Variants in ADARB1 observed in about 807,000 individuals in gnomAD.
ADARB1 encodes the protein adenosine deaminase RNA specific B1.
ADARB1 carries 10 observed loss-of-function variants against 52.4 expected under a neutral mutation model. That is an observed-to-expected ratio of 0.19 (90% CI 0.12 to 0.32). The LOEUF (loss-of-function observed/expected upper bound fraction) is 0.32, where lower values mean the gene tolerates loss of function less well. ADARB1 is among the 10% of genes least tolerant of loss of function. The pLI is 1.00. For missense variants in ADARB1, 643 were observed against 922.3 expected, an observed-to-expected ratio of 0.70 and a Z score of 3.92; for synonymous variants, 349 against 371.1, an observed-to-expected ratio of 0.94 and a Z score of 0.68.
chr21:45,200,866 G>T lies in ADARB1; in HGVS notation c.1566-3689G>T, dbSNP rs2092538803. ...CTGGCCGACGTCTGTCTGCAGCTCA[G>T]TCTCTCAGGCCGGGCCCTTTACTGA... On this transcript the variant is annotated intron_variant, in intron 8 of 10. Coordinates refer to ENST00000348831, the MANE Select transcript of ADARB1 (RefSeq NM_001112.4). This position sits in a 1 kb window ranked among gnomAD's most constrained non-coding sequence, Gnocchi z 5.0. Among the ~76,000 whole-genome samples the T allele has an allele frequency of 6.6e-6, 1 of 152,194 alleles. No individual in the cohort carries two copies. Among genetic ancestry groups the T allele is most frequent in the African/African-American group, 2.4e-5 (1 of 41,444 alleles).
At chr21:45,084,927 C>T (rs1218086796) in intron 1 of ADARB1, among the ~76,000 whole-genome samples, 23 of 152,158 alleles carry the variant, frequency 1.5e-4, no homozygotes, top group Non-Finnish European at 5.9e-5. Flanking sequence ...AGTGGCTTCT[C>T]GTAGTCTTCG....
intron 2 of ADARB1, among the ~76,000 whole-genome samples, chr21:45,136,848 G>T (rs2089416115): frequency 1.3e-5 from 2 of 152,214 alleles, no homozygotes; most frequent in Admixed American, 1.3e-4. Context: ...ACTTGGGATT[G>T]TTTTCTACTT....
At chr21:45,124,769 G>GA (rs10675866) in intron 1 of ADARB1, among the ~76,000 whole-genome samples, 129,407 of 148,182 alleles carry the variant, frequency 0.87, 56,216 homozygotes, top group South Asian at 0.93. Context: ...TTTAAATGGT[G>GA]TGTGTGTGTG....
chr21:45,148,635 C>T (rs1230935313), intron 2 of ADARB1, among the ~76,000 whole-genome samples: 1 of 152,228 alleles, frequency 6.6e-6, no homozygotes, highest in African/African-American at 2.4e-5. Context: ...GGCACTGGAG[C>T]TGGTGCTGAG....
chr21:45,220,712 C>A lies in ADARB1; in HGVS notation c.1748-124C>A. 2.9e-6 allele frequency: 3 copies of A among 1,024,558 alleles called. No homozygotes were observed. Among genetic ancestry groups the A allele is most frequent in the Non-Finnish European group, 4.3e-6 (3 of 690,612 alleles). The allele number at this position is 1,024,558 out of a possible 1,614,324, so 63.5% of individuals were successfully genotyped here. A position where few individuals can be genotyped will look rare whatever the true frequency, so the allele number is the denominator to read the frequency against. ...GCTCAAGTCTGCGTATATTCCTCGG[C>A]AGGCAGAATTCCCCCACCACGCACT... On this transcript the variant is annotated intron_variant, in intron 9 of 10. Coordinates refer to ENST00000348831, the MANE Select transcript of ADARB1 (RefSeq NM_001112.4). This position sits in a 1 kb window ranked among gnomAD's most constrained non-coding sequence, Gnocchi z 6.3.
At chr21:45,136,707 C>T (rs564445978) in intron 2 of ADARB1, among the ~76,000 whole-genome samples, 2 of 152,356 alleles carry the variant, frequency 1.3e-5, no homozygotes, top group South Asian at 2.1e-4. Context: ...TGTCCCCGCA[C>T]CCAGAGGAGG....
At chr21:45,177,038 C>T in intron 4 of ADARB1, 1 of 185,574 alleles carries the variant, frequency 5.4e-6, no homozygotes, top group South Asian at 1.4e-4. Flanking sequence ...GAAACCTTGC[C>T]CCCAGTTCAG....
At position 45,224,892 on chromosome 21, in the gene ADARB1, G is replaced by A. The variant is rs190068716; in HGVS notation, c.*2695G>A. On this transcript the variant is annotated 3_prime_UTR_variant, in exon 11 of 11. Transcript: ENST00000348831. ...GCACTTTAATCCCTCCCTTCTGAGC[G>A]CTCGGTGTGCACTTTTAGACTATAG... 228 of 985,754 alleles carry A rather than the reference G, an allele frequency of 2.3e-4. 2 individuals carry two copies. In the East Asian group the frequency reaches 0.013, roughly 56 times the overall value. 61.1% of individuals were successfully genotyped at this position (985,754 alleles called of 1,614,324 possible).
intron 2 of ADARB1, among the ~76,000 whole-genome samples, chr21:45,136,631 A>G (rs2089393353): frequency 6.6e-6 from 1 of 152,220 alleles, no homozygotes; most frequent in African/African-American, 2.4e-5. Context: ...TCCTGTGGGG[A>G]CAGCTGGCGG....
intron 1 of ADARB1, among the ~76,000 whole-genome samples, chr21:45,095,861 C>T (rs1372680049): frequency 6.6e-6 from 1 of 152,208 alleles, no homozygotes; most frequent in Non-Finnish European, 1.5e-5. Context: ...ACAGCCAGAT[C>T]AACAAGGAGC....
intron 2 of ADARB1, among the ~76,000 whole-genome samples, chr21:45,137,942 G>A (rs2089484911): frequency 6.6e-6 from 1 of 152,164 alleles, no homozygotes; most frequent in South Asian, 2.1e-4. Context: ...GCCTGCTGGG[G>A]GCAGGAAAAG....
rs544969109 is a variant in ADARB1, at chr21:45,223,949, C to T, written c.*1752C>T. The stretch of plus-strand genomic sequence containing the variant: ...CTCCTCCACCGAAGAGGGTAGTTGT[C>T]TCCCTGAAGCAGTCACAGCAGGCGT... On this transcript the variant is annotated 3_prime_UTR_variant, in exon 11 of 11. Coordinates refer to ENST00000348831, the MANE Select transcript of ADARB1 (RefSeq NM_001112.4). The T allele has an allele frequency of 9.6e-5, 95 of 985,492 alleles. No individual in the cohort carries two copies. In the African/African-American group the frequency reaches 1.6e-3, roughly 16 times the overall value. 61.0% of individuals were successfully genotyped at this position (985,492 alleles called of 1,614,324 possible).
intron 1 of ADARB1, among the ~76,000 whole-genome samples, chr21:45,092,442 A>T (rs2838776): frequency 0.067 from 10,239 of 152,088 alleles, 399 homozygotes; most frequent in East Asian, 0.15. Context: ...TCTGTTATCT[A>T]TTTTTTTTAT....
intron 2 of ADARB1, among the ~76,000 whole-genome samples, chr21:45,136,698 G>GT (rs544729547): frequency 4.9e-4 from 75 of 152,350 alleles, no homozygotes; most frequent in African/African-American, 1.4e-3. Flanking sequence ...GAGCAGGGGT[G>GT]TCCCCGCACC....
rs921752362 is a variant in ADARB1 at position 45,187,015 on chromosome 21, C to T, written c.1565+1924C>T. On this transcript the variant is annotated intron_variant, in intron 8 of 10. Transcript: ENST00000348831. ...CAAAATCCTTTTGGCTATCCAGGGT[C>T]TCCTGATATTTCATAAAGATTTTTG... Among the ~76,000 whole-genome samples, 3 of 152,110 alleles carry T rather than the reference C, an allele frequency of 2.0e-5. No individual in the cohort carries two copies. In the South Asian group the frequency reaches 6.2e-4, roughly 32 times the overall value.
intron 1 of ADARB1, among the ~76,000 whole-genome samples, chr21:45,092,714 T>G (rs1189002848): frequency 6.6e-6 from 1 of 152,186 alleles, no homozygotes. Flanking sequence ...AATTTTGAAG[T>G]AATGAACAAT....
chr21:45,117,337 T>C (rs1178557032), intron 1 of ADARB1, among the ~76,000 whole-genome samples: 1 of 152,198 alleles, frequency 6.6e-6, no homozygotes, highest in East Asian at 1.9e-4. Context: ...ATGTTGTGTG[T>C]GTGTACATAG....
intron 1 of ADARB1, among the ~76,000 whole-genome samples, chr21:45,076,572 T>C (rs1207526363): frequency 2.6e-5 from 4 of 152,226 alleles, no homozygotes; most frequent in Non-Finnish European, 5.9e-5. Flanking sequence ...GAGAAATTGA[T>C]GACACATGTG....
intron 9 of ADARB1, among the ~76,000 whole-genome samples, chr21:45,206,825 C>G (rs776132528): frequency 6.6e-6 from 1 of 152,286 alleles, no homozygotes; most frequent in Admixed American, 6.5e-5. Flanking sequence ...CTGTCCACCT[C>G]AGCCTCTCAA....
Sources: gnomAD v4.1 joint callset for allele counts (sites outside exome capture counted in the v4.1 genomes callset) on GRCh38, gnomAD v4.1.1 for gene constraint, Gnocchi (gnomAD v3.1) non-coding constraint, MANE v1.5 for transcripts, NCBI Gene and HGNC (gene_info 2026-07-23, HGNC 2026-07-21) for gene names.